The following SOX5 variants were observed in gnomAD, a reference collection of about 807,000 sequenced individuals.
SOX5 encodes SRY-box transcription factor 5, also known as transcription factor SOX-5.
In SOX5, 9 loss-of-function variants were observed where a neutral mutation model predicts 92.0. The observed-to-expected ratio is 0.10, with a 90% CI of 0.06 to 0.17. SOX5 has a LOEUF of 0.17. Among genes scored for constraint, SOX5 ranks in the 10% least tolerant of loss-of-function variants. SOX5 has a pLI of 1.00. For missense variants in SOX5, 642 were observed against 944.5 expected (o/e 0.68, Z 4.20); for synonymous variants, 344 against 336.3 (o/e 1.02, Z -0.25).
At chr12:24,152,161 A>G (rs1451759061) in intron 4 of SOX5, among the ~76,000 whole-genome samples, 1 of 152,122 alleles carries the variant, frequency 6.6e-6, no homozygotes, top group East Asian at 1.9e-4. Context: ...TTACTATCCT[A>G]TGTTTTTAAA....
At chr12:24,332,519 G>T (rs1951442866) in intron 2 of SOX5, among the ~76,000 whole-genome samples, 1 of 151,698 alleles carries the variant, frequency 6.6e-6, no homozygotes, top group Non-Finnish European at 1.5e-5. Context: ...AAGATATGGA[G>T]TTTAGGAATC....
At chr12:24,210,800 A>G (rs1224869335) in intron 4 of SOX5, among the ~76,000 whole-genome samples, 1 of 152,238 alleles carries the variant, frequency 6.6e-6, no homozygotes, top group Non-Finnish European at 1.5e-5. Context: ...ATCATCAGTC[A>G]ATATCCTGGT....
At chr12:24,306,469 G>A (rs1346781271) in intron 2 of SOX5, among the ~76,000 whole-genome samples, 1 of 152,186 alleles carries the variant, frequency 6.6e-6, no homozygotes, top group Non-Finnish European at 1.5e-5. Context: ...ACTTTGACAA[G>A]AGAAAAAATT....
intron 4 of SOX5, among the ~76,000 whole-genome samples, chr12:24,102,298 C>A (rs1946182864): frequency 6.6e-6 from 1 of 152,142 alleles, no homozygotes; most frequent in Admixed American, 6.5e-5. Flanking sequence ...GGTGTCAATA[C>A]ATTTCTTTTC....
chr12:23,604,624 A>C, intron 8 of SOX5, 91 bp from the exon 9 acceptor site: 1 of 1,263,550 alleles, frequency 7.9e-7, no homozygotes, highest in Non-Finnish European at 1.1e-6. Context: ...CAGATATGGT[A>C]TTTTTCCTAT....
At chr12:23,768,257 GC>G (rs928769663) in intron 3 of SOX5, among the ~76,000 whole-genome samples, 27 of 152,070 alleles carry the variant, frequency 1.8e-4, no homozygotes, top group African/African-American at 6.0e-4. Context: ...CAGAGAGCAA[GC>G]TTTTACAAAC....
At chr12:23,878,409 T>C (rs1011653080) in intron 2 of SOX5, among the ~76,000 whole-genome samples, 1 of 152,116 alleles carries the variant, frequency 6.6e-6, no homozygotes, top group Non-Finnish European at 1.5e-5. Flanking sequence ...CCTTTTTCTT[T>C]ATGTAGTTTA....
intron 1 of SOX5, among the ~76,000 whole-genome samples, chr12:23,916,564 C>A (rs967380999): frequency 2.6e-5 from 4 of 152,036 alleles, no homozygotes; most frequent in Admixed American, 1.3e-4. Flanking sequence ...GAAATGTAAA[C>A]CCTCATTCAT....
chr12:24,543,947 G>A (rs1952375676), intron 1 of SOX5, among the ~76,000 whole-genome samples: 1 of 152,084 alleles, frequency 6.6e-6, no homozygotes, highest in African/African-American at 2.4e-5. Flanking sequence ...GGTTTCCTTA[G>A]GGACTGAACC....
At chr12:24,312,621 C>G (rs915365207) in intron 2 of SOX5, among the ~76,000 whole-genome samples, 10 of 152,190 alleles carry the variant, frequency 6.6e-5, no homozygotes, top group Admixed American at 2.0e-4. Flanking sequence ...TGAATGAATA[C>G]TCTTTATCTA....
chr12:24,193,975 G>T (rs1185105027), intron 4 of SOX5, among the ~76,000 whole-genome samples: 1 of 152,112 alleles, frequency 6.6e-6, no homozygotes, highest in Admixed American at 6.6e-5. Flanking sequence ...AAATAATTCT[G>T]TTGGGCCCTC....
intron 6 of SOX5, among the ~76,000 whole-genome samples, chr12:23,728,622 C>T (rs1165999379): frequency 3.3e-5 from 5 of 152,068 alleles, no homozygotes; most frequent in Admixed American, 1.3e-4. Context: ...AACTTTGGTG[C>T]CAATAAAATG....
intron 3 of SOX5, among the ~76,000 whole-genome samples, chr12:23,819,164 G>C (rs1048100490): frequency 6.6e-6 from 1 of 152,144 alleles, no homozygotes; most frequent in African/African-American, 2.4e-5. Context: ...CAGCAGCACA[G>C]TGTTTGCTTA....
chr12:24,414,491 T>A (rs1964672461), intron 1 of SOX5, among the ~76,000 whole-genome samples: 1 of 152,210 alleles, frequency 6.6e-6, no homozygotes, highest in Non-Finnish European at 1.5e-5. Context: ...AATGTGCTAA[T>A]ACTCTGCATC....
intron 6 of SOX5, among the ~76,000 whole-genome samples, chr12:23,670,336 C>G (rs751607205): frequency 2.6e-5 from 4 of 152,064 alleles, no homozygotes; most frequent in Non-Finnish European, 5.9e-5. Flanking sequence ...CAAATGTAGA[C>G]TATTCTTCAG....
chr12:24,186,593 T>A (rs1179019033), intron 4 of SOX5, among the ~76,000 whole-genome samples: 2 of 152,124 alleles, frequency 1.3e-5, no homozygotes, highest in Non-Finnish European at 2.9e-5. Flanking sequence ...AGGGATTGGA[T>A]GCATTAACTC....
intron 1 of SOX5, among the ~76,000 whole-genome samples, chr12:24,382,538 G>A (rs1037950804): frequency 2.6e-5 from 4 of 152,176 alleles, no homozygotes; most frequent in African/African-American, 9.7e-5. Flanking sequence ...CCTGAGGTAG[G>A]AAGCCATTGG....
intron 4 of SOX5, among the ~76,000 whole-genome samples, chr12:23,957,841 A>C (rs1283996324): frequency 1.3e-5 from 2 of 152,300 alleles, no homozygotes; most frequent in Non-Finnish European, 2.9e-5. Flanking sequence ...CCGTATTTTA[A>C]ATCATCTATA....
At chr12:24,111,186 T>G (rs926474750) in intron 4 of SOX5, among the ~76,000 whole-genome samples, 1 of 151,982 alleles carries the variant, frequency 6.6e-6, no homozygotes, top group African/African-American at 2.4e-5. Context: ...CACCCCCCAT[T>G]GAAAACACTG....
Sources: allele counts gnomAD v4.1 joint callset (sites outside exome capture counted in the v4.1 genomes callset), GRCh38; gene constraint gnomAD v4.1.1; transcripts MANE v1.5; gene names NCBI Gene and HGNC (gene_info 2026-07-23, HGNC 2026-07-21).